Variants in ROBO1 observed in about 807,000 individuals in gnomAD.
ROBO1 encodes the protein roundabout guidance receptor 1.
A neutral mutation model predicts 195.9 loss-of-function variants in ROBO1; 149 were observed. That is an observed-to-expected ratio of 0.76 (90% confidence interval 0.67 to 0.87). ROBO1 has a LOEUF of 0.87. Among genes scored for constraint, ROBO1 ranks in the 40% least tolerant of loss-of-function variants. ROBO1 has a pLI of 0.00. For missense variants in ROBO1, 1,933 were observed against 2,068.3 expected, an observed-to-expected ratio of 0.93 and a Z score of 1.27; for synonymous variants, 816 against 733.2, an observed-to-expected ratio of 1.11 and a Z score of -1.82.
intron 10 of ROBO1, among the ~76,000 whole-genome samples, chr3:78,684,978 C>T (rs2081019482): frequency 6.6e-6 from 1 of 152,096 alleles, no homozygotes; most frequent in Non-Finnish European, 1.5e-5. Flanking sequence ...ATTCCAATCA[C>T]TACAATAAAT....
At chr3:79,704,165 C>T (rs777515804) in intron 1 of ROBO1, among the ~76,000 whole-genome samples, 1 of 151,942 alleles carries the variant, frequency 6.6e-6, no homozygotes, top group African/African-American at 2.4e-5. Context: ...GGATGATCAA[C>T]ATTCCCGCCA....
intron 10 of ROBO1, among the ~76,000 whole-genome samples, chr3:78,671,066 TAGATAATAGTTATAACATACTA>T (rs1161234849): frequency 6.6e-6 from 1 of 152,210 alleles, no homozygotes. Flanking sequence ...TCCGTTACCT[TAGATAATAGTTATAACATACTA>T]CGGAAAATAA....
chr3:79,240,688 C>T (rs752747175), intron 2 of ROBO1, among the ~76,000 whole-genome samples: 6 of 152,018 alleles, frequency 3.9e-5, no homozygotes, highest in Non-Finnish European at 8.8e-5. Flanking sequence ...ACTCTGTCAC[C>T]CAGGCTGGAG....
chr3:79,107,826 A>G (rs995499904), intron 3 of ROBO1, among the ~76,000 whole-genome samples: 1 of 151,718 alleles, frequency 6.6e-6, no homozygotes, highest in Non-Finnish European at 1.5e-5. Flanking sequence ...CATTTAAATT[A>G]TCACTTGGAA....
intron 4 of ROBO1, among the ~76,000 whole-genome samples, chr3:78,917,553 T>A (rs1344184822): frequency 6.6e-6 from 1 of 152,124 alleles, no homozygotes; most frequent in African/African-American, 2.4e-5. Context: ...TAGTTTTGCA[T>A]CTAGAAATAA....
chr3:78,633,033 A>C, intron 24 of ROBO1, among the ~76,000 whole-genome samples: 1 of 152,230 alleles, frequency 6.6e-6, no homozygotes, highest in East Asian at 1.9e-4. Flanking sequence ...CAGGCTAGAC[A>C]ATGCCAGACC....
intron 4 of ROBO1, among the ~76,000 whole-genome samples, chr3:78,860,326 A>ATATATATATATATATATATTTT (rs376853384): frequency 3.2e-5 from 3 of 93,516 alleles, no homozygotes; most frequent in African/African-American, 1.4e-4. Context: ...ATATATATAT[A>ATATATATATATATATATATTTT]TTTTTTTTTT....
chr3:79,604,852 T>C (rs1161580375), intron 1 of ROBO1, among the ~76,000 whole-genome samples: 2 of 152,048 alleles, frequency 1.3e-5, no homozygotes, highest in Non-Finnish European at 2.9e-5. Flanking sequence ...CTTATGTAAA[T>C]AATTTCTACC....
chr3:79,691,948 T>C (rs1458440035), intron 1 of ROBO1, among the ~76,000 whole-genome samples: 9 of 151,946 alleles, frequency 5.9e-5, no homozygotes, highest in Non-Finnish European at 1.3e-4. Context: ...CACAATTGTT[T>C]TGAATTTTGC....
intron 2 of ROBO1, among the ~76,000 whole-genome samples, chr3:79,406,793 C>T (rs1440658925): frequency 6.6e-6 from 1 of 152,108 alleles, no homozygotes; most frequent in African/African-American, 2.4e-5. Context: ...TGATGTGAGA[C>T]AATTCTTTTT....
intron 3 of ROBO1, among the ~76,000 whole-genome samples, chr3:79,016,742 T>G (rs2077948200): frequency 6.6e-6 from 1 of 152,178 alleles, no homozygotes; most frequent in Non-Finnish European, 1.5e-5. Flanking sequence ...TCTTCAGTAA[T>G]CTGCCCCTCC....
chr3:79,017,222 G>A (rs2077965550), intron 3 of ROBO1, among the ~76,000 whole-genome samples: 1 of 152,032 alleles, frequency 6.6e-6, no homozygotes, highest in South Asian at 2.1e-4. Context: ...GGGTTTATTC[G>A]CTATCATTTA....
At chr3:79,313,644 G>T (rs936933965) in intron 2 of ROBO1, among the ~76,000 whole-genome samples, 4 of 152,210 alleles carry the variant, frequency 2.6e-5, no homozygotes, top group African/African-American at 4.8e-5. Context: ...GAGATAAAAA[G>T]AATCCTATGG....
intron 2 of ROBO1, among the ~76,000 whole-genome samples, chr3:79,139,463 C>T (rs936276873): frequency 2.6e-5 from 4 of 152,058 alleles, no homozygotes; most frequent in African/African-American, 9.7e-5. Flanking sequence ...ATCAGTATGA[C>T]ACAACATGTT....
intron 2 of ROBO1, among the ~76,000 whole-genome samples, chr3:79,316,033 C>G (rs2033716041): frequency 6.6e-6 from 1 of 152,166 alleles, no homozygotes. Flanking sequence ...CAATTCTAAC[C>G]TCAATAGGGA....
intron 3 of ROBO1, among the ~76,000 whole-genome samples, chr3:79,055,101 G>A (rs372438238): frequency 6.6e-6 from 1 of 152,012 alleles, no homozygotes; most frequent in Non-Finnish European, 1.5e-5. Flanking sequence ...TCAAGGTTTG[G>A]TGGGCCTGGT....
rs1252988781 is a variant in ROBO1, at chr3:79,297,613, G to T, written c.89-172074C>A. 3.9e-5 allele frequency among the ~76,000 whole-genome samples: 6 copies of T among 152,042 alleles called. No individual in the cohort carries two copies. The South Asian group carries it at 1.2e-3, about 31-fold the overall frequency. On this transcript the variant is annotated intron_variant, in intron 2 of 30. Transcript: ENST00000464233. ...AAATTAAAAACATTTGAGTTGTTTT[G>T]ATTTATGTTAGCTCCCATGGGAAGA... is the stretch of plus-strand genomic sequence containing the variant.
rs571441794 is a variant in ROBO1, at chr3:79,735,841, A to G, written c.-51+31911T>C. Among the ~76,000 whole-genome samples the G allele has an allele frequency of 2.3e-4, 35 of 149,502 alleles. No individual in the cohort carries two copies. In the East Asian group the frequency reaches 7.0e-3, roughly 30 times the overall value. On this transcript the variant is annotated intron_variant, in intron 1 of 30. Coordinates refer to ENST00000464233, the MANE Select transcript of ROBO1 (RefSeq NM_002941.4). ...AGCAGAGATCGCGCCACTGCACTCCAGCCTGGGCGACAGAGAGAGACTCCG... is the reference window on the plus strand; with the variant it reads ...AGCAGAGATCGCGCCACTGCACTCCGGCCTGGGCGACAGAGAGAGACTCCG...
intron 2 of ROBO1, among the ~76,000 whole-genome samples, chr3:79,298,115 T>TA (rs767260516): frequency 1.5e-4 from 23 of 151,536 alleles, no homozygotes; most frequent in East Asian, 3.9e-4. Flanking sequence ...GATATGGATT[T>TA]AAAAAAAAAT....
Sources: gnomAD v4.1 joint callset for allele counts (sites outside exome capture counted in the v4.1 genomes callset) on GRCh38, gnomAD v4.1.1 for gene constraint, MANE v1.5 for transcripts, NCBI Gene and HGNC (gene_info 2026-07-23, HGNC 2026-07-21) for gene names.